TTC39C: variants seen among roughly 807,000 people sequenced by gnomAD.
TTC39C encodes tetratricopeptide repeat protein 39C.
In TTC39C, 33 loss-of-function variants were observed where a neutral mutation model predicts 76.3. The observed-to-expected ratio is 0.43, with a 90% CI of 0.33 to 0.58. TTC39C has a LOEUF of 0.58. Among genes scored for constraint, TTC39C ranks in the 20% least tolerant of loss-of-function variants. The probability of loss-of-function intolerance (pLI) is 0.04; values close to 1 mark genes in which losing one functional copy is unlikely to be tolerated. For synonymous variants in TTC39C, 254 were observed against 260.6 expected (o/e 0.97, Z 0.24); for missense variants, 595 against 701.4 (o/e 0.85, Z 1.71).
chr18:24,050,526 T>C (rs2083934261), intron 1 of TTC39C, among the ~76,000 whole-genome samples: 1 of 137,498 alleles, frequency 7.3e-6, no homozygotes, highest in African/African-American at 2.8e-5. Context: ...ATTGTACCAC[T>C]GTACTCCAGT....
chr18:23,997,714 G>GAAAGAAAGAAAGAAAT (rs2083279819), intron 1 of TTC39C, among the ~76,000 whole-genome samples: 1 of 150,390 alleles, frequency 6.6e-6, no homozygotes, highest in African/African-American at 2.4e-5. Flanking sequence ...AAGAAAGAAA[G>GAAAGAAAGAAAGAAAT]AAAGAAAGAA....
intron 1 of TTC39C, among the ~76,000 whole-genome samples, chr18:24,058,689 C>A (rs2084049508): frequency 6.6e-6 from 1 of 151,924 alleles, no homozygotes; most frequent in African/African-American, 2.4e-5. Flanking sequence ...TTATCAAGTT[C>A]ATAATAAAAA....
rs1182625147 is a variant in TTC39C, at chr18:24,134,257, G to GTTTTTTTTTTTTTTTTTT, written c.*1689_*1690insTTTTTTTTTTTTTTTTTT. On this transcript the variant is annotated 3_prime_UTR_variant, in exon 14 of 14. Transcript: ENST00000317571. ...TGGTGCCCAAAAATATTGGACATCT[G>GTTTTTTTTTTTTTTTTTT]TTTTTTGTTTTTTTTTTTTTTTTTT... The GTTTTTTTTTTTTTTTTTT allele has an allele frequency of 2.1e-4, 10 of 48,684 alleles. 4 individuals are homozygous for GTTTTTTTTTTTTTTTTTT. The highest frequency in any genetic ancestry group is 0.029 in the Middle Eastern group (2 of 68). 3.0% of individuals were successfully genotyped at this position (48,684 alleles called of 1,614,324 possible).
chr18:24,113,009 G>T (rs1260356013), intron 6 of TTC39C, among the ~76,000 whole-genome samples: 3 of 152,030 alleles, frequency 2.0e-5, no homozygotes, highest in Non-Finnish European at 2.9e-5. Flanking sequence ...CTAACAGTCA[G>T]TGTCAATGTC....
At chr18:24,043,720 C>G (rs1274462819) in intron 1 of TTC39C, among the ~76,000 whole-genome samples, 1 of 152,214 alleles carries the variant, frequency 6.6e-6, no homozygotes, top group Non-Finnish European at 1.5e-5. Context: ...AAGTCTCTTA[C>G]TGCACCATTA....
At chr18:24,114,716 C>T (rs2084869722) in intron 7 of TTC39C, 69 bp downstream of exon 7, 2 of 1,231,782 alleles carry the variant, frequency 1.6e-6, no homozygotes, top group Non-Finnish European at 2.4e-6. Flanking sequence ...AGCTTTCATG[C>T]CATTCAGTGT....
At chr18:24,094,201 GCCCCTC>G (rs2084561747) in intron 6 of TTC39C, among the ~76,000 whole-genome samples, 1 of 152,124 alleles carries the variant, frequency 6.6e-6, no homozygotes, top group South Asian at 2.1e-4. Context: ...CTCATCTTAA[GCCCCTC>G]CCATCTCTTC....
At chr18:24,059,834 A>T (rs891152461) in intron 1 of TTC39C, among the ~76,000 whole-genome samples, 1 of 152,218 alleles carries the variant, frequency 6.6e-6, no homozygotes, top group Non-Finnish European at 1.5e-5. Flanking sequence ...AGTTTTAATT[A>T]ACTCATAGTT....
intron 6 of TTC39C, among the ~76,000 whole-genome samples, chr18:24,098,881 CT>C (rs1430177729): frequency 6.6e-6 from 1 of 151,924 alleles, no homozygotes; most frequent in Non-Finnish European, 1.5e-5. Context: ...ATCCTCCTGC[CT>C]TGGCCTCCCA....
At chr18:24,024,004 A>ATTTTTTTTTTT (rs2083563205) in intron 1 of TTC39C, among the ~76,000 whole-genome samples, 2 of 4,864 alleles carry the variant, frequency 4.1e-4, no homozygotes, top group Admixed American at 3.9e-3. Flanking sequence ...ATATATATAT[A>ATTTTTTTTTTT]TATATATATA....
chr18:24,109,875 G>A (rs563773555), intron 6 of TTC39C, among the ~76,000 whole-genome samples: 3 of 152,058 alleles, frequency 2.0e-5, no homozygotes, highest in South Asian at 2.1e-4. Context: ...GTCTGGTGGT[G>A]CACACCTGTA....
intron 6 of TTC39C, among the ~76,000 whole-genome samples, chr18:24,097,262 C>T (rs1423160820): frequency 1.3e-5 from 2 of 152,196 alleles, no homozygotes; most frequent in Admixed American, 1.3e-4. Flanking sequence ...CCCAAAAAAA[C>T]TGTTGCCATC....
At chr18:24,032,770 T>C (rs1446109753) in intron 1 of TTC39C, among the ~76,000 whole-genome samples, 1 of 152,238 alleles carries the variant, frequency 6.6e-6, no homozygotes, top group Non-Finnish European at 1.5e-5. Flanking sequence ...ACCTGTATTT[T>C]AAAATGATTT....
At chr18:24,092,234 C>A (rs2084531915) in intron 6 of TTC39C, among the ~76,000 whole-genome samples, 1 of 151,772 alleles carries the variant, frequency 6.6e-6, no homozygotes, top group Admixed American at 6.6e-5. Flanking sequence ...TGTTTCACAC[C>A]CACCAAGCTA....
At chr18:24,132,400 T>C in intron 13 of TTC39C, 85 bp from the exon 14 acceptor site, 11 of 1,184,468 alleles carry the variant, frequency 9.3e-6, no homozygotes, top group Non-Finnish European at 1.2e-5. Context: ...CTTTGGGAAA[T>C]GCAAAATTGA....
rs147126053 is a variant in TTC39C at position 24,105,358 on chromosome 18, T to C, written c.985-9196T>C. Among the ~76,000 whole-genome samples the C allele has an allele frequency of 2.0e-5, 3 of 152,320 alleles. No individual in the cohort carries two copies. In the East Asian group the frequency reaches 5.8e-4, roughly 29 times the overall value. Reference sequence around the variant, plus strand: ...GGGAAATTGACCCTTTACAAACTGTTGGTACATATGGATAGTTGATAAAAT... The same window carrying C: ...GGGAAATTGACCCTTTACAAACTGTCGGTACATATGGATAGTTGATAAAAT... On this transcript the variant is annotated intron_variant, in intron 6 of 13. Transcript: ENST00000317571.
intron 6 of TTC39C, among the ~76,000 whole-genome samples, chr18:24,107,286 AACACACACAC>A (rs10609672): frequency 4.0e-5 from 6 of 150,560 alleles, no homozygotes; most frequent in Non-Finnish European, 5.9e-5. Flanking sequence ...ATCCTTCTCT[AACACACACAC>A]ACACACACAC....
chr18:24,126,407 T>A (rs1332375240), intron 10 of TTC39C, among the ~76,000 whole-genome samples: 3 of 124,540 alleles, frequency 2.4e-5, no homozygotes, highest in East Asian at 2.3e-4. Context: ...TTCCTGCAAA[T>A]CCCTTTTGCC....
chr18:24,037,966 T>C (rs2083751035), intron 1 of TTC39C, among the ~76,000 whole-genome samples: 1 of 152,232 alleles, frequency 6.6e-6, no homozygotes, highest in African/African-American at 2.4e-5. Context: ...GGCCTCAGCC[T>C]GGGGTCAGTG....
Sources: gnomAD v4.1 joint callset for allele counts (sites outside exome capture counted in the v4.1 genomes callset) on GRCh38, gnomAD v4.1.1 for gene constraint, MANE v1.5 for transcripts, NCBI Gene and HGNC (gene_info 2026-07-23, HGNC 2026-07-21) for gene names.